The following HEATR4 variants were observed in gnomAD, a reference collection of about 807,000 sequenced individuals.
HEATR4 encodes the protein HEAT repeat containing 4.
Under a neutral mutation model 108.8 loss-of-function variants are expected in HEATR4, and 95 were observed. That is an observed-to-expected ratio of 0.87 (90% CI 0.74 to 1.04). HEATR4 has a LOEUF of 1.04. Among genes scored for constraint, HEATR4 ranks in the 50% least tolerant of loss-of-function variants. The pLI, the probability that HEATR4 is intolerant of heterozygous loss-of-function variation, is 0.00. For synonymous variants in HEATR4, 443 were observed against 459.4 expected, an observed-to-expected ratio of 0.96 and a Z score of 0.46; for missense variants, 1,152 against 1,253.8, an observed-to-expected ratio of 0.92 and a Z score of 1.23.
the HEATR4 span, among the ~76,000 whole-genome samples, chr14:73,565,587 G>A: frequency 2.0e-5 from 3 of 151,884 alleles, no homozygotes; most frequent in South Asian, 4.2e-4. Flanking sequence ...TCTGATGTTC[G>A]GATGTGTTCG....
intron 13 of HEATR4, 35 bp from the exon 14 acceptor site, chr14:73,498,379 C>T (rs1886228895): frequency 2.6e-6 from 4 of 1,526,936 alleles, no homozygotes; most frequent in South Asian, 1.2e-5. Context: ...TCACTGAAGA[C>T]TGAGCTTACT....
At chr14:73,619,178 C>T in the HEATR4 span, 68 of 1,509,688 alleles carry the variant, frequency 4.5e-5, no homozygotes, top group African/African-American at 9.1e-4. Flanking sequence ...AAATCACTGT[C>T]TGTGTCCTCC....
At chr14:73,565,490 T>C in the HEATR4 span, among the ~76,000 whole-genome samples, 2 of 151,896 alleles carry the variant, frequency 1.3e-5, no homozygotes, top group South Asian at 4.2e-4. Context: ...TGGTGGATTC[T>C]TGGTCTCACT....
chr14:73,633,578 G>A, the HEATR4 span: 1 of 152,202 alleles, frequency 6.6e-6, no homozygotes, highest in African/African-American at 2.4e-5. Context: ...TAGCACACTT[G>A]GCCTCCTTCA....
chr14:73,595,158 C>G, the HEATR4 span: 3 of 1,614,220 alleles, frequency 1.9e-6, no homozygotes, highest in Non-Finnish European at 2.5e-6. Context: ...ATCAATGGAT[C>G]TGGGATCAGT....
At chr14:73,600,710 T>A in the HEATR4 span, among the ~76,000 whole-genome samples, 2 of 151,844 alleles carry the variant, frequency 1.3e-5, no homozygotes, top group African/African-American at 2.4e-5. Context: ...CTAGGCCTCC[T>A]AAAATGCTGG....
rs1167424170 is a variant in HEATR4, at chr14:73,493,050, G to T, written c.2844+16C>A. 1 of 1,598,236 alleles carries T rather than the reference G, an allele frequency of 6.3e-7. No homozygotes were observed. ...CACGTTCTTACCTTGATAAGCATCA[G>T]TGTGCTCACATTTACCTTTATCACT... On this transcript the variant is annotated intron_variant, in intron 17 of 17. Coordinates refer to ENST00000553558, the MANE Select transcript of HEATR4 (RefSeq NM_001220484.1).
At chr14:73,623,724 T>C in the HEATR4 span, among the ~76,000 whole-genome samples, 1 of 151,932 alleles carries the variant, frequency 6.6e-6, no homozygotes, top group South Asian at 2.1e-4. Context: ...TGGGGCCTAA[T>C]GGGTGGTGTT....
At chr14:73,513,911 C>A in intron 6 of HEATR4, 120 bp downstream of exon 6, 1 of 1,005,660 alleles carries the variant, frequency 9.9e-7, no homozygotes, top group Admixed American at 2.0e-5. Flanking sequence ...CTTAATGAGG[C>A]AACCAGATTT....
At chr14:73,619,856 C>A in the HEATR4 span, 3 of 1,546,622 alleles carry the variant, frequency 1.9e-6, no homozygotes, top group South Asian at 3.7e-5. Context: ...AGCCACAGAC[C>A]AGATACCATT....
intron 7 of HEATR4, among the ~76,000 whole-genome samples, chr14:73,511,271 G>T (rs1476577360): frequency 6.6e-6 from 1 of 152,020 alleles, no homozygotes; most frequent in African/African-American, 2.4e-5. Flanking sequence ...CCAGCACTTT[G>T]GGAGGCTGAG....
the HEATR4 span, among the ~76,000 whole-genome samples, chr14:73,602,087 C>T: frequency 7.2e-5 from 11 of 152,016 alleles, no homozygotes; most frequent in African/African-American, 4.8e-5. Flanking sequence ...ACTACAGGCA[C>T]GGGCCACCGT....
intron 2 of HEATR4, among the ~76,000 whole-genome samples, chr14:73,525,435 A>G (rs921709485): frequency 1.3e-5 from 2 of 152,222 alleles, no homozygotes; most frequent in Admixed American, 1.3e-4. Context: ...CTTTTTGCAC[A>G]TAAGGCTAAA....
At chr14:73,483,154 T>G (rs546317664) in intron 17 of HEATR4, among the ~76,000 whole-genome samples, 1 of 152,190 alleles carries the variant, frequency 6.6e-6, no homozygotes, top group Non-Finnish European at 1.5e-5. Context: ...AGCACTGTAC[T>G]CTAGTTAATA....
At chr14:73,611,482 T>TAAA in the HEATR4 span, 1 of 152,196 alleles carries the variant, frequency 6.6e-6, no homozygotes, top group Non-Finnish European at 1.5e-5. Flanking sequence ...CCTTTGTAGA[T>TAAA]AGTACCTTTA....
At chr14:73,527,146 C>T (rs1888388994) in intron 2 of HEATR4, 1 of 152,030 alleles carries the variant, frequency 6.6e-6, no homozygotes, top group Non-Finnish European at 1.5e-5. Context: ...GCACTTAATC[C>T]CCTTTGAATA....
intron 16 of HEATR4, among the ~76,000 whole-genome samples, chr14:73,494,270 G>C (rs1025688240): frequency 6.6e-6 from 1 of 152,222 alleles, no homozygotes; most frequent in Non-Finnish European, 1.5e-5. Context: ...TGGGGTGGTA[G>C]CTGGTAGGCA....
At chr14:73,490,953 C>T (rs911527173) in intron 17 of HEATR4, 161 of 1,285,840 alleles carry the variant, frequency 1.3e-4, no homozygotes, top group Non-Finnish European at 1.6e-4. Context: ...GCAGCCGCTG[C>T]ATTCAGGAAC....
upstream of HEATR4, among the ~76,000 whole-genome samples, chr14:73,560,589 G>A (rs1258196729): frequency 6.6e-6 from 1 of 150,798 alleles, no homozygotes; most frequent in African/African-American, 2.4e-5. Context: ...ATGAACCCGG[G>A]AGGCGGAGCT....
Sources: gnomAD v4.1 joint callset for allele counts (sites outside exome capture counted in the v4.1 genomes callset) on GRCh38, gnomAD v4.1.1 for gene constraint, MANE v1.5 for transcripts, NCBI Gene and HGNC (gene_info 2026-07-23, HGNC 2026-07-21) for gene names.